The following SLC26A9 variants were observed in gnomAD, a reference collection of about 807,000 sequenced individuals.
SLC26A9 encodes anion transporter/exchanger protein 9.
A neutral mutation model predicts 87.1 loss-of-function variants in SLC26A9; 46 were observed. The observed-to-expected ratio is 0.53, with a 90% CI of 0.42 to 0.67. The LOEUF (loss-of-function observed/expected upper bound fraction) is 0.67, where lower values mean the gene tolerates loss of function less well. SLC26A9 is among the 30% of genes least tolerant of loss of function. SLC26A9 has a pLI of 0.00. For missense variants in SLC26A9, 927 were observed against 1,018.3 expected, an observed-to-expected ratio of 0.91 and a Z score of 1.22; for synonymous variants, 437 against 409.1, an observed-to-expected ratio of 1.07 and a Z score of -0.82.
At chr1:205,917,747 G>T (rs1299993895) in intron 19 of SLC26A9, among the ~76,000 whole-genome samples, 2 of 152,104 alleles carry the variant, frequency 1.3e-5, no homozygotes, top group African/African-American at 2.4e-5. Context: ...GAAAAGGTGT[G>T]TGTTTATGTG....
At chr1:205,921,966 G>T in intron 16 of SLC26A9, 119 bp from the exon 17 acceptor site, 1 of 1,289,008 alleles carries the variant, frequency 7.8e-7, no homozygotes. Flanking sequence ...CTCGGTGATG[G>T]TGAACACAGA....
intron 6 of SLC26A9, 27 bp from the exon 7 acceptor site, chr1:205,929,383 G>T: frequency 6.2e-7 from 1 of 1,609,750 alleles, no homozygotes; most frequent in South Asian, 1.1e-5. Context: ...CATGCTCACA[G>T]GCTCCCACCC....
In SLC26A9 at chr1:205,932,943, A is replaced by T; in HGVS notation, c.265+2T>A. 1 of 1,613,898 alleles carries T rather than the reference A, an allele frequency of 6.2e-7. No homozygotes were observed. The highest frequency in any genetic ancestry group is 8.5e-7 in the Non-Finnish European group (1 of 1,179,908). On this transcript the variant is annotated splice_donor_variant, in intron 3 of 20. Transcript: ENST00000367135. LOFTEE classifies it high-confidence loss of function. The stretch of plus-strand genomic sequence containing the variant: ...CAGGCCTGGCTGAAGGAGCCCCTTC[A>T]CCTTGTGGGACCTGGATGGATCCCC...
At chr1:205,930,891 T>C (rs1351053657) in intron 5 of SLC26A9, among the ~76,000 whole-genome samples, 4 of 152,238 alleles carry the variant, frequency 2.6e-5, no homozygotes, top group Non-Finnish European at 4.4e-5. Flanking sequence ...CCTACAGTCT[T>C]TGTACATGGC....
At chr1:205,921,067 C>T (rs527838192) in intron 17 of SLC26A9, among the ~76,000 whole-genome samples, 14 of 152,366 alleles carry the variant, frequency 9.2e-5, no homozygotes, top group African/African-American at 2.4e-4. Context: ...TGCTGACTCC[C>T]GCCATTGGCG....
chr1:205,920,125 C>T lies in SLC26A9; in HGVS notation c.2110+51G>A, dbSNP rs569312605. ...TTCAGACCCCACCAACCTGTTCCTA[C>T]CCCACACTCCTTGCCAGTCTTTCAG... On this transcript the variant is annotated intron_variant, in intron 18 of 20. Transcript: ENST00000367135. 7.5e-6 allele frequency: 12 copies of T among 1,608,870 alleles called. No individual in the cohort carries two copies. The African/African-American group carries it at 1.3e-4, about 18-fold the overall frequency.
Position 205,914,232 on chromosome 1 carries a change from A to G in SLC26A9, c.*1125T>C. 1 of 152,456 alleles carries G rather than the reference A, an allele frequency of 6.6e-6. No homozygotes were observed. Among genetic ancestry groups the G allele is most frequent in the Non-Finnish European group, 1.5e-5 (1 of 68,192 alleles). The allele number at this position is 152,456 out of a possible 1,614,324, so 9.4% of individuals were successfully genotyped here. On this transcript the variant is annotated 3_prime_UTR_variant, in exon 21 of 21. Coordinates refer to ENST00000367135, the MANE Select transcript of SLC26A9 (RefSeq NM_052934.4). ...TGCATGCAGTTAGGGGATGTAGCGG[A>G]TCCCTGGAGGACTTCCACCTTTGCC... is the stretch of plus-strand genomic sequence containing the variant.
intron 5 of SLC26A9, among the ~76,000 whole-genome samples, chr1:205,930,620 G>A (rs1368642401): frequency 6.6e-6 from 1 of 152,156 alleles, no homozygotes; most frequent in Non-Finnish European, 1.5e-5. Flanking sequence ...CAAAGTCGCT[G>A]TTCAGAGAAC....
intron 17 of SLC26A9, among the ~76,000 whole-genome samples, chr1:205,921,194 G>A (rs139872173): frequency 6.6e-6 from 1 of 152,318 alleles, no homozygotes; most frequent in Non-Finnish European, 1.5e-5. Flanking sequence ...TAGGGTGGCC[G>A]GTGAATGAGG....
intron 18 of SLC26A9, 128 bp downstream of exon 18, chr1:205,920,048 G>A (rs1012058927): frequency 1.8e-5 from 18 of 992,452 alleles, no homozygotes; most frequent in Non-Finnish European, 2.7e-5. Context: ...TTATGAGCAG[G>A]CAGCAGCTTG....
In SLC26A9 at chr1:205,921,844, C is replaced by T; in HGVS notation, c.1777G>A (p.Val593Ile). The T allele has an allele frequency of 3.1e-6, 5 of 1,604,588 alleles. No individual in the cohort carries two copies. The East Asian group carries it at 9.0e-5, about 29-fold the overall frequency. Reference sequence around the variant, plus strand: ...TCCTGCTGCAGCTCCTGCAGGGAGACAGTCTGGAAGGGTGGGGACAGTGGG... The same window carrying T: ...TCCTGCTGCAGCTCCTGCAGGGAGATAGTCTGGAAGGGTGGGGACAGTGGG... ...RRSLFMKTKT[V>I]SLQELQQDFE... The change falls in exon 17 of 21, where the codon GTC (valine) becomes ATC (isoleucine). Residue 593 changes from valine to isoleucine, a missense_variant. Coordinates refer to ENST00000367135, the MANE Select transcript of SLC26A9 (RefSeq NM_052934.4).
intron 1 of SLC26A9, among the ~76,000 whole-genome samples, chr1:205,937,626 G>C (rs1266447019): frequency 6.6e-6 from 1 of 152,220 alleles, no homozygotes; most frequent in African/African-American, 2.4e-5. Flanking sequence ...CTATGATTAA[G>C]ATGGGAGGGT....
chr1:205,918,786 T>C (rs1658699760), intron 19 of SLC26A9, 54 bp downstream of exon 19: 1 of 1,577,440 alleles, frequency 6.3e-7, no homozygotes. Context: ...TGCCTCTTGG[T>C]CCTGCTATTT....
At chr1:205,931,789 A>C in intron 5 of SLC26A9, 71 bp downstream of exon 5, 1 of 1,534,116 alleles carries the variant, frequency 6.5e-7, no homozygotes, top group Non-Finnish European at 8.8e-7. Flanking sequence ...TTTAGCATCA[A>C]AGCTAAGGCT....
chr1:205,927,307 GGGGATAGAGGGA>G lies in SLC26A9; in HGVS notation c.1216-31_1216-20del, dbSNP rs1659113942. Reference sequence around the variant, plus strand: ...TGGCCACCTATTCCGAGAAAGAGTTGGGGATAGAGGGAAGGTGTGAAATTTTTGCTCTTGATT... The same window carrying G: ...TGGCCACCTATTCCGAGAAAGAGTTGAGGTGTGAAATTTTTGCTCTTGATT... On this transcript the variant is annotated intron_variant, in intron 10 of 20. Transcript: ENST00000367135. 6.2e-7 allele frequency: 1 copy of G among 1,613,674 alleles called. No homozygotes were observed. The highest frequency in any genetic ancestry group is 2.2e-5 in the East Asian group (1 of 44,874).
At position 205,921,794 on chromosome 1, in the gene SLC26A9, G is replaced by T. The variant is rs1263102367; in HGVS notation, c.1827C>A (p.Asp609Glu). The change falls in exon 17 of 21, where the codon GAC (aspartate) becomes GAA (glutamate). Residue 609 changes from aspartate (D) to glutamate (E), a missense_variant. Asp to Glu is a conservative substitution (Grantham distance 45). Transcript: ENST00000367135. ...QQDFENAPPT[D>E]PNNNQTPANG... The stretch of plus-strand genomic sequence containing the variant: ...TAGCCGGGGTCTGGTTGTTGTTGGG[G>T]TCGGTGGGGGGCGCATTCTCAAAGT... 2 of 1,606,188 alleles carry T rather than the reference G, an allele frequency of 1.2e-6. No individual in the cohort carries two copies. Among genetic ancestry groups the T allele is most frequent in the Non-Finnish European group, 1.7e-6 (2 of 1,177,402 alleles).
chr1:205,917,742 GGT>G (rs1328505328), intron 19 of SLC26A9, among the ~76,000 whole-genome samples: 9 of 152,078 alleles, frequency 5.9e-5, no homozygotes, highest in African/African-American at 2.2e-4. Flanking sequence ...CTGTTGAAAA[GGT>G]GTGTGTTTAT....
At position 205,930,064 on chromosome 1, in the gene SLC26A9, G is replaced by A; in HGVS notation, c.553-8C>T. ...CATGAAGCCCAGACCCATCTGAGAG[G>A]AGGAAAAGGGTGGTTGGTGGCGGAA... On this transcript the variant is annotated splice_polypyrimidine_tract_variant and splice_region_variant and intron_variant, in intron 5 of 20. Transcript: ENST00000367135. 6.3e-7 allele frequency: 1 copy of A among 1,586,916 alleles called. No individual in the cohort carries two copies. The highest frequency in any genetic ancestry group is 8.6e-7 in the Non-Finnish European group (1 of 1,158,926).
chr1:205,930,568 AT>A (rs774310593), intron 5 of SLC26A9, among the ~76,000 whole-genome samples: 54 of 152,026 alleles, frequency 3.6e-4, no homozygotes, highest in Non-Finnish European at 6.3e-4. Context: ...CCCACTCATC[AT>A]TGTGTAGCCC....
Sources: gnomAD v4.1 joint callset for allele counts (sites outside exome capture counted in the v4.1 genomes callset) on GRCh38, gnomAD v4.1.1 for gene constraint, MANE v1.5 for transcripts, NCBI Gene and HGNC (gene_info 2026-07-23, HGNC 2026-07-21) for gene names.